Variants in RNF150 observed in about 807,000 individuals in gnomAD.
The protein encoded by RNF150 is ring finger protein 150.
A neutral mutation model predicts 39.3 loss-of-function variants in RNF150; 24 were observed. The observed-to-expected ratio is 0.61, with a 90% confidence interval of 0.44 to 0.86. The LOEUF (loss-of-function observed/expected upper bound fraction) is 0.86, where lower values mean the gene tolerates loss of function less well. RNF150 is among the 40% of genes least tolerant of loss of function. RNF150 has a pLI of 0.00. For synonymous variants in RNF150, 255 were observed against 227.3 expected (o/e 1.12, Z -1.10); for missense variants, 502 against 587.8 (o/e 0.85, Z 1.51).
chr4:141,034,433 T>C (rs6831837), intron 1 of RNF150, among the ~76,000 whole-genome samples: 92,548 of 151,966 alleles, frequency 0.61, 28,987 homozygotes, highest in Non-Finnish European at 0.69. Context: ...TCAGCAAAAA[T>C]GGTGTTTTGC....
At chr4:141,110,836 A>G (rs1739363161) in intron 1 of RNF150, among the ~76,000 whole-genome samples, 1 of 152,142 alleles carries the variant, frequency 6.6e-6, no homozygotes. Flanking sequence ...AGTAACCTAA[A>G]AAAGGTAAAG....
intron 1 of RNF150, among the ~76,000 whole-genome samples, chr4:141,185,240 T>G (rs2111193661): frequency 6.6e-6 from 1 of 152,284 alleles, no homozygotes; most frequent in African/African-American, 2.4e-5. Flanking sequence ...GAAGAGGTCC[T>G]TCATGTCCCT....
intron 4 of RNF150, among the ~76,000 whole-genome samples, chr4:140,933,599 T>A (rs551931004): frequency 4.2e-4 from 64 of 152,366 alleles, no homozygotes; most frequent in Admixed American, 1.8e-3. Flanking sequence ...GGTTGAAATG[T>A]AGGCTATGTT....
intron 6 of RNF150, among the ~76,000 whole-genome samples, chr4:140,899,967 T>TCTCTCTCTCC (rs1222441689): frequency 8.5e-6 from 1 of 117,302 alleles, no homozygotes; most frequent in African/African-American, 3.2e-5. Context: ...TCTCTCTCTC[T>TCTCTCTCTCC]CTCTCTCTGT....
chr4:140,929,141 G>A (rs55829030), intron 4 of RNF150, among the ~76,000 whole-genome samples: 11,838 of 152,138 alleles, frequency 0.078, 527 homozygotes, highest in Middle Eastern at 0.11. Flanking sequence ...CATAGGCTGA[G>A]TCAGAATGAC....
At chr4:140,888,358 A>G (rs1373755443) in intron 6 of RNF150, among the ~76,000 whole-genome samples, 1 of 152,196 alleles carries the variant, frequency 6.6e-6, no homozygotes, top group Non-Finnish European at 1.5e-5. Flanking sequence ...GTGTGTTCAC[A>G]TGCCTTCCCG....
intron 1 of RNF150, among the ~76,000 whole-genome samples, chr4:141,091,724 A>T (rs1738589267): frequency 6.6e-6 from 1 of 152,194 alleles, no homozygotes; most frequent in South Asian, 2.1e-4. Flanking sequence ...TTCAGTGATG[A>T]TGTAACAAGG....
chr4:141,197,791 TG>T (rs1239974331), intron 1 of RNF150, among the ~76,000 whole-genome samples: 1 of 151,354 alleles, frequency 6.6e-6, no homozygotes, highest in Non-Finnish European at 1.5e-5. Context: ...GGCAGGAGAA[TG>T]GTGTGAACCC....
At chr4:141,053,682 T>A in intron 1 of RNF150, 1 of 1,403,752 alleles carries the variant, frequency 7.1e-7, no homozygotes, top group Non-Finnish European at 9.3e-7. Flanking sequence ...AAAGGGAATA[T>A]GGGCATGGTG....
rs151179556 is a variant in RNF150 at position 141,146,176 on chromosome 4, G to C, written c.-6+66618C>G. Reference sequence around the variant, plus strand: ...ATACATGTTTAATAAATCAGAAATAGGATCGGTTCTATTGACTAAGCTAAA... The same window carrying C: ...ATACATGTTTAATAAATCAGAAATACGATCGGTTCTATTGACTAAGCTAAA... On this transcript the variant is annotated intron_variant, in intron 1 of 7. Coordinates refer to the RNF150 transcript ENST00000420921. Among the ~76,000 whole-genome samples, 11 of 152,300 alleles carry C rather than the reference G, an allele frequency of 7.2e-5. No homozygotes were observed. In the East Asian group the frequency reaches 2.1e-3, roughly 29 times the overall value.
At chr4:140,965,654 T>C (rs1409237467) in intron 2 of RNF150, among the ~76,000 whole-genome samples, 7 of 152,026 alleles carry the variant, frequency 4.6e-5, no homozygotes, top group Admixed American at 3.9e-4. Flanking sequence ...CAGCCAGACA[T>C]AGAAAGAAAA....
intron 1 of RNF150, among the ~76,000 whole-genome samples, chr4:141,076,067 A>T (rs1737885367): frequency 6.6e-6 from 1 of 152,260 alleles, no homozygotes; most frequent in Admixed American, 6.5e-5. Context: ...CATAATATAC[A>T]TTAAAACATT....
chr4:140,867,819 A>C lies in RNF150; in HGVS notation c.*442T>G, dbSNP rs1194470667. 1 of 155,576 alleles carries C rather than the reference A, an allele frequency of 6.4e-6. No homozygotes were observed. The highest frequency in any genetic ancestry group is 1.4e-5 in the Non-Finnish European group (1 of 70,324). The allele number at this position is 155,576 out of a possible 1,614,324, so 9.6% of individuals were successfully genotyped here. ...AAACAGAAACCTATACAAAAGCTGGAGTGCATCAAAGGAAAAACAAAGGAA... is the reference window on the plus strand; with the variant it reads ...AAACAGAAACCTATACAAAAGCTGGCGTGCATCAAAGGAAAAACAAAGGAA... On this transcript the variant is annotated 3_prime_UTR_variant, in exon 7 of 7. Transcript: ENST00000515673.
At chr4:140,958,343 G>T (rs928774557) in intron 2 of RNF150, among the ~76,000 whole-genome samples, 1 of 151,992 alleles carries the variant, frequency 6.6e-6, no homozygotes, top group African/African-American at 2.4e-5. Context: ...AAGGGCCAGC[G>T]CTCAGTGTTG....
intron 6 of RNF150, among the ~76,000 whole-genome samples, chr4:140,886,229 A>G (rs1729573309): frequency 6.7e-6 from 1 of 150,232 alleles, no homozygotes. Flanking sequence ...ATGTACATCT[A>G]TTTTGGAAAG....
intron 1 of RNF150, among the ~76,000 whole-genome samples, chr4:141,042,441 C>A (rs1222893112): frequency 6.6e-6 from 1 of 152,038 alleles, no homozygotes; most frequent in Non-Finnish European, 1.5e-5. Context: ...TGGCTACATT[C>A]TAAAATTTCA....
intron 6 of RNF150, among the ~76,000 whole-genome samples, chr4:140,890,245 T>C (rs1729712680): frequency 6.6e-6 from 1 of 152,242 alleles, no homozygotes; most frequent in African/African-American, 2.4e-5. Flanking sequence ...TTACTTATTT[T>C]TCCTTATCTT....
intron 1 of RNF150, among the ~76,000 whole-genome samples, chr4:141,091,523 A>T (rs1040173621): frequency 1.3e-5 from 2 of 152,196 alleles, no homozygotes; most frequent in Non-Finnish European, 2.9e-5. Context: ...CAGAAAAAGA[A>T]ATGATCAAAC....
intron 1 of RNF150, among the ~76,000 whole-genome samples, chr4:141,037,057 A>G (rs1736175202): frequency 6.6e-6 from 1 of 152,170 alleles, no homozygotes; most frequent in Admixed American, 6.5e-5. Flanking sequence ...CATTTCATTT[A>G]TATCTTGCAT....
Sources: allele counts gnomAD v4.1 joint callset (sites outside exome capture counted in the v4.1 genomes callset), GRCh38; gene constraint gnomAD v4.1.1; transcripts MANE v1.5; gene names NCBI Gene and HGNC (gene_info 2026-07-23, HGNC 2026-07-21).